SMG9: variants seen among roughly 807,000 people sequenced by gnomAD.
The protein encoded by SMG9 is nonsense-mediated mRNA decay factor SMG9.
Under a neutral mutation model 64.0 loss-of-function variants are expected in SMG9, and 55 were observed. The observed-to-expected ratio is 0.86, with a 90% confidence interval of 0.69 to 1.08. The LOEUF (loss-of-function observed/expected upper bound fraction) is 1.08. SMG9 is among the 50% of genes least tolerant of loss of function. The pLI, the probability that SMG9 is intolerant of heterozygous loss-of-function variation, is 0.00. For synonymous variants in SMG9, 244 were observed against 254.8 expected (o/e 0.96, Z 0.41); for missense variants, 554 against 681.3 (o/e 0.81, Z 2.08).
intron 5 of SMG9, among the ~76,000 whole-genome samples, chr19:43,746,009 CA>C (rs1020212489): frequency 4.5e-4 from 60 of 133,078 alleles, no homozygotes; most frequent in Admixed American, 2.8e-3. Flanking sequence ...CACAAAAAAA[CA>C]AAAAAAAAAA....
At chr19:43,737,860 G>A (rs1968724500) in intron 8 of SMG9, 178 bp from the exon 9 acceptor site, 1 of 669,368 alleles carries the variant, frequency 1.5e-6, no homozygotes, top group Non-Finnish European at 2.6e-6. Flanking sequence ...CAGGAAAGGT[G>A]GGAATTATCA....
chr19:43,746,122 G>T (rs562989480), intron 5 of SMG9, among the ~76,000 whole-genome samples: 1 of 152,210 alleles, frequency 6.6e-6, no homozygotes, highest in Admixed American at 6.5e-5. Context: ...GCAGTGAGCC[G>T]AGATGGTGCC....
chr19:43,749,943 C>A (rs748652599), intron 2 of SMG9, among the ~76,000 whole-genome samples: 1 of 152,216 alleles, frequency 6.6e-6, no homozygotes, highest in Non-Finnish European at 1.5e-5. Context: ...AAAATCAGAT[C>A]TATCATAGAA....
chr19:43,750,259 AT>A (rs767317158), intron 2 of SMG9: 1 of 550,916 alleles, frequency 1.8e-6, no homozygotes, highest in Non-Finnish European at 3.6e-6. Context: ...CTGGCCTCCT[AT>A]GGCTACTCCT....
At chr19:43,744,750 A>C (rs748843350) in intron 6 of SMG9, 22 bp downstream of exon 6, 2 of 1,592,472 alleles carry the variant, frequency 1.3e-6, no homozygotes, top group Non-Finnish European at 1.7e-6. Context: ...TCCCTCCTGC[A>C]CCCTATCTGA....
At chr19:43,749,215 T>TA (rs1969118984) in intron 2 of SMG9, among the ~76,000 whole-genome samples, 1 of 152,184 alleles carries the variant, frequency 6.6e-6, no homozygotes, top group East Asian at 1.9e-4. Context: ...CGGCAGAATG[T>TA]AAAGCACTGG....
intron 6 of SMG9, among the ~76,000 whole-genome samples, chr19:43,742,079 T>C (rs922506101): frequency 1.3e-5 from 2 of 152,158 alleles, no homozygotes; most frequent in Admixed American, 6.5e-5. Flanking sequence ...ACCTAGGAGA[T>C]AGAGGTTGCA....
intron 7 of SMG9, among the ~76,000 whole-genome samples, chr19:43,738,866 G>A (rs1238400164): frequency 2.6e-5 from 4 of 152,298 alleles, no homozygotes; most frequent in South Asian, 4.1e-4. Context: ...GACCACAGCC[G>A]GTTTGGTTTG....
At chr19:43,737,727 C>T in intron 8 of SMG9, 45 bp from the exon 9 acceptor site, 1 of 1,587,156 alleles carries the variant, frequency 6.3e-7, no homozygotes. Context: ...CTCTTCTGCC[C>T]AGACTAATCA....
chr19:43,745,517 G>C (rs1018562043), intron 5 of SMG9, among the ~76,000 whole-genome samples: 1 of 152,224 alleles, frequency 6.6e-6, no homozygotes, highest in Admixed American at 6.5e-5. Context: ...GTTCTGAACT[G>C]TGGCTGCTGC....
chr19:43,732,831 T>C (rs747124836), intron 13 of SMG9, 27 bp downstream of exon 13: 15 of 1,613,192 alleles, frequency 9.3e-6, no homozygotes, highest in Non-Finnish European at 1.2e-5. Context: ...GTGCCTCAAA[T>C]TGACCCCCTC....
rs539168380 is a variant in SMG9, at chr19:43,753,904, G to C, written c.-7+750C>G. On this transcript the variant is annotated intron_variant, in intron 1 of 13. Coordinates refer to ENST00000270066, the MANE Select transcript of SMG9 (RefSeq NM_019108.4). ...CACTCCAGCCTGGGCGACAGAGCGA[G>C]ACTCTTGTCTCAAAGAAAAAAAAAA... Among the ~76,000 whole-genome samples, 211 of 144,078 alleles carry C rather than the reference G, an allele frequency of 1.5e-3. 1 individual carries two copies. The highest frequency in any genetic ancestry group is 4.5e-3 in the Admixed American group (66 of 14,594). 94.5% of individuals were successfully genotyped at this position (144,078 alleles called of 152,430 possible).
At chr19:43,747,278 T>G (rs146342183) in intron 5 of SMG9, among the ~76,000 whole-genome samples, 164 bp downstream of exon 5, 1 of 152,174 alleles carries the variant, frequency 6.6e-6, no homozygotes, top group Non-Finnish European at 1.5e-5. Flanking sequence ...ACAGCCGAGC[T>G]AGTTGAAATT....
rs560467760 is a variant in SMG9, at chr19:43,747,706, C to T, written c.417G>A (p.Gly139=). 11 of 1,610,628 alleles carry T rather than the reference C, an allele frequency of 6.8e-6. No homozygotes were observed. The South Asian group carries it at 9.9e-5, about 15-fold the overall frequency. Residue 139 remains glycine (G), a synonymous_variant, in exon 4 of 14, where the codon GGG becomes GGA. Transcript: ENST00000270066. ...APAPPKGEKE[G]QRPTQPVYQI... is the part of the protein sequence containing the mutation. The stretch of plus-strand genomic sequence containing the variant: ...GGTACACAGGCTGTGTGGGTCTCTG[C>T]CCCTCCTTCTCCCCCTTGGGTGGCG...
At chr19:43,736,436 G>A (rs189971390) in intron 9 of SMG9, among the ~76,000 whole-genome samples, 53 of 152,284 alleles carry the variant, frequency 3.5e-4, no homozygotes, top group Non-Finnish European at 6.5e-4. Context: ...GCGGTCTCCT[G>A]GGGCCTGAAG....
chr19:43,753,919 G>GAA (rs775764832), intron 1 of SMG9, among the ~76,000 whole-genome samples: 3 of 111,422 alleles, frequency 2.7e-5, no homozygotes, highest in Non-Finnish European at 1.8e-5. Context: ...TTGTCTCAAA[G>GAA]AAAAAAAAAA....
chr19:43,740,171 C>T lies in SMG9; in HGVS notation c.749G>A (p.Gly250Asp), dbSNP rs1968804088. 6.2e-7 allele frequency: 1 copy of T among 1,613,970 alleles called. No homozygotes were observed. The highest frequency in any genetic ancestry group is 8.5e-7 in the Non-Finnish European group (1 of 1,179,994). The change falls in exon 7 of 14, where the codon GGC (glycine) becomes GAC (aspartate). Residue 250 changes from glycine (G) to aspartate (D), a missense_variant. Gly to Asp is a moderately conservative substitution (Grantham distance 94). Coordinates refer to ENST00000270066, the MANE Select transcript of SMG9 (RefSeq NM_019108.4). ...AQSAEMKERG[G>D]NQTSGIDFFI... is the part of the protein sequence containing the mutation. The stretch of plus-strand genomic sequence containing the variant: ...GAAGTCGATGCCACTGGTCTGGTTG[C>T]CCCCTCGTTCCTTCATTTCAGCGCT...
intron 9 of SMG9, among the ~76,000 whole-genome samples, chr19:43,735,919 A>G (rs547020589): frequency 6.6e-6 from 1 of 152,194 alleles, no homozygotes; most frequent in Non-Finnish European, 1.5e-5. Context: ...AAGGAGTTTT[A>G]TCTGTTTTCT....
intron 9 of SMG9, 148 bp downstream of exon 9, chr19:43,737,449 G>C (rs1968706310): frequency 1.6e-6 from 1 of 621,696 alleles, no homozygotes; most frequent in Non-Finnish European, 2.8e-6. Flanking sequence ...GTGCTTTGAG[G>C]GGGAGGTTAG....
Sources: gnomAD v4.1 joint callset for allele counts (sites outside exome capture counted in the v4.1 genomes callset) on GRCh38, gnomAD v4.1.1 for gene constraint, MANE v1.5 for transcripts, NCBI Gene and HGNC (gene_info 2026-07-23, HGNC 2026-07-21) for gene names.